KMO: variants seen among roughly 807,000 people sequenced by gnomAD.
The protein encoded by KMO is kynurenine 3-monooxygenase, also known as kynurenine 3-hydroxylase.
Under a neutral mutation model 57.8 loss-of-function variants are expected in KMO, and 24 were observed. That is an observed-to-expected ratio of 0.42 (90% CI 0.30 to 0.58). The LOEUF is 0.58. Ranked by LOEUF, KMO falls within the 20% of genes least tolerant of loss-of-function variation. The probability of loss-of-function intolerance (pLI) is 0.22; values close to 1 mark genes in which losing one functional copy is unlikely to be tolerated. For synonymous variants in KMO, 210 were observed against 193.6 expected, an observed-to-expected ratio of 1.08 and a Z score of -0.70; for missense variants, 483 against 588.2, an observed-to-expected ratio of 0.82 and a Z score of 1.85.
intron 5 of KMO, among the ~76,000 whole-genome samples, chr1:241,558,210 A>T (rs1334363506): frequency 1.3e-5 from 2 of 152,256 alleles, no homozygotes; most frequent in Non-Finnish European, 2.9e-5. Flanking sequence ...GGAACTTAAA[A>T]CATGGGAAAG....
chr1:241,548,150 G>C (rs773491466), intron 1 of KMO, among the ~76,000 whole-genome samples: 2 of 150,806 alleles, frequency 1.3e-5, no homozygotes. Context: ...TGGGTAAATG[G>C]CGGGGCACAG....
At chr1:241,575,821 A>T (rs774501911) in intron 10 of KMO, among the ~76,000 whole-genome samples, 4 of 151,878 alleles carry the variant, frequency 2.6e-5, no homozygotes, top group Non-Finnish European at 4.4e-5. Context: ...CATTGACAGC[A>T]CTAGACAGAT....
intron 4 of KMO, among the ~76,000 whole-genome samples, chr1:241,552,871 C>T (rs1299197164): frequency 6.6e-6 from 1 of 152,158 alleles, no homozygotes; most frequent in Admixed American, 6.5e-5. Context: ...CCCATCTTCT[C>T]CCCAAATTGC....
At chr1:241,560,862 G>C in intron 6 of KMO, 110 bp downstream of exon 6, 1 of 751,400 alleles carries the variant, frequency 1.3e-6, no homozygotes, top group Non-Finnish European at 2.3e-6. Context: ...ATTATTGAAA[G>C]GATCATCCAA....
chr1:241,595,396 G>A lies in KMO; in HGVS notation c.*3243G>A, dbSNP rs896116614. The A allele has an allele frequency of 6.6e-6, 1 of 152,148 alleles. No homozygotes were observed. The highest frequency in any genetic ancestry group is 1.5e-5 in the Non-Finnish European group (1 of 68,058). The allele number at this position is 152,148 out of a possible 1,614,324, so 9.4% of individuals were successfully genotyped here. A position where few individuals can be genotyped will look rare whatever the true frequency, so the allele number is the denominator to read the frequency against. ...CCTAGATTCCTAAATGACTGCATAG[G>A]ACAGATCCCATCTCCTCCACCCAAT... On this transcript the variant is annotated 3_prime_UTR_variant, in exon 15 of 15. Coordinates refer to ENST00000366559, the MANE Select transcript of KMO (RefSeq NM_003679.5).
chr1:241,548,797 A>T (rs1457241994), intron 1 of KMO, 32 bp from the exon 2 acceptor site: 2 of 1,350,160 alleles, frequency 1.5e-6, no homozygotes, highest in Non-Finnish European at 1.0e-6. Context: ...TTGTGGAATC[A>T]GATAAATATT....
At chr1:241,549,259 A>AAGAG in intron 2 of KMO, among the ~76,000 whole-genome samples, 5 of 147,020 alleles carry the variant, frequency 3.4e-5, no homozygotes, top group Non-Finnish European at 7.4e-5. Flanking sequence ...GAAAGAAAGA[A>AAGAG]AGAAAGAAAG....
chr1:241,549,332 GAT>G (rs1362699153), intron 2 of KMO, among the ~76,000 whole-genome samples: 3 of 151,338 alleles, frequency 2.0e-5, no homozygotes, highest in African/African-American at 7.3e-5. Flanking sequence ...AAGAAAGAAA[GAT>G]GAAAAGAAAG....
rs749976149 is a variant in KMO, at chr1:241,552,167, A to AGT, written c.312+1131_312+1132dup. ...CCTTGTCTGTGTGTGTGTGAGTGTG[A>AGT]GTGTGTGTGAGAGAGAGAGAGAGAG... On this transcript the variant is annotated intron_variant, in intron 4 of 14. Coordinates refer to ENST00000366559, the MANE Select transcript of KMO (RefSeq NM_003679.5). Among the ~76,000 whole-genome samples the AGT allele has an allele frequency of 3.1e-3, 338 of 108,074 alleles. 2 individuals carry two copies. The highest frequency in any genetic ancestry group is 0.01 in the African/African-American group (282 of 27,648). The allele number at this position is 108,074 out of a possible 152,430, so 70.9% of individuals were successfully genotyped here. A position where few individuals can be genotyped will look rare whatever the true frequency, so the allele number is the denominator to read the frequency against.
At chr1:241,540,907 T>TA (rs1428255289) in intron 1 of KMO, among the ~76,000 whole-genome samples, 2 of 151,694 alleles carry the variant, frequency 1.3e-5, no homozygotes, top group Non-Finnish European at 2.9e-5. Context: ...CTACAAAAAT[T>TA]AAAAAAATTA....
At chr1:241,564,294 CT>C (rs1661993809) in intron 7 of KMO, among the ~76,000 whole-genome samples, 1 of 152,012 alleles carries the variant, frequency 6.6e-6, no homozygotes, top group Non-Finnish European at 1.5e-5. Flanking sequence ...TATAATACCC[CT>C]GGGAACCTTC....
chr1:241,563,989 A>T (rs1661980072), intron 7 of KMO, among the ~76,000 whole-genome samples: 1 of 152,190 alleles, frequency 6.6e-6, no homozygotes, highest in Admixed American at 6.5e-5. Flanking sequence ...TTTCATATGT[A>T]TTCCTCTTGC....
Position 241,549,785 on chromosome 1 carries a change from T to C in KMO, c.222+11T>C. The C allele has an allele frequency of 1.3e-6, 2 of 1,522,116 alleles. No individual in the cohort carries two copies. Among genetic ancestry groups the C allele is most frequent in the Non-Finnish European group, 1.8e-6 (2 of 1,099,142 alleles). The allele number at this position is 1,522,116 out of a possible 1,614,324, so 94.3% of individuals were successfully genotyped here. A position where few individuals can be genotyped will look rare whatever the true frequency, so the allele number is the denominator to read the frequency against. ...GGCCTGGAAGATCAGGTACTTAATG[T>C]ATCTTTCTTACAGAAGATAATACCT... On this transcript the variant is annotated intron_variant, in intron 3 of 14. Transcript: ENST00000366559.
chr1:241,581,658 A>G (rs970385551), intron 10 of KMO, among the ~76,000 whole-genome samples: 2 of 151,822 alleles, frequency 1.3e-5, no homozygotes, highest in African/African-American at 2.4e-5. Context: ...AAACTAAACA[A>G]CTCTACACTT....
chr1:241,533,939 G>T (rs920515942), intron 1 of KMO, among the ~76,000 whole-genome samples: 1 of 152,226 alleles, frequency 6.6e-6, no homozygotes, highest in Non-Finnish European at 1.5e-5. Context: ...GGAACAGCAG[G>T]AAGAGAAACC....
intron 10 of KMO, among the ~76,000 whole-genome samples, chr1:241,581,551 T>G (rs988996326): frequency 6.6e-6 from 1 of 151,862 alleles, no homozygotes; most frequent in Non-Finnish European, 1.5e-5. Context: ...TACAACCAAG[T>G]ATTTTAAACT....
intron 1 of KMO, among the ~76,000 whole-genome samples, chr1:241,539,338 C>A (rs1029676738): frequency 6.9e-6 from 1 of 145,788 alleles, no homozygotes; most frequent in Admixed American, 7.3e-5. Flanking sequence ...GAGCTGAGAT[C>A]GTGCCACTGC....
At chr1:241,540,084 C>G (rs1660906827) in intron 1 of KMO, among the ~76,000 whole-genome samples, 1 of 152,116 alleles carries the variant, frequency 6.6e-6, no homozygotes. Flanking sequence ...AGAAAATATA[C>G]AACCTGTTAC....
chr1:241,538,555 G>C (rs1015539166), intron 1 of KMO, among the ~76,000 whole-genome samples: 2 of 152,218 alleles, frequency 1.3e-5, no homozygotes. Flanking sequence ...TGGGCTTTGA[G>C]ATCAACTAGA....
Sources: allele counts gnomAD v4.1 joint callset (sites outside exome capture counted in the v4.1 genomes callset), GRCh38; gene constraint gnomAD v4.1.1; transcripts MANE v1.5; gene names NCBI Gene and HGNC (gene_info 2026-07-23, HGNC 2026-07-21).